Variants in CSMD1 observed in about 807,000 individuals in gnomAD.
The protein encoded by CSMD1 is CUB and sushi domain-containing protein 1.
Under a neutral mutation model 417.5 loss-of-function variants are expected in CSMD1, and 213 were observed. The observed-to-expected ratio is 0.51, with a 90% confidence interval of 0.46 to 0.57. CSMD1 has a LOEUF of 0.57. CSMD1 is among the 20% of genes least tolerant of loss of function. The pLI, the probability that CSMD1 is intolerant of heterozygous loss-of-function variation, is 0.00. For synonymous variants in CSMD1, 2,862 were observed against 1,736.8 expected (o/e 1.65, Z -16.11); for missense variants, 6,923 against 4,529.7 (o/e 1.53, Z -15.17).
chr8:3,314,409 A>C (rs942353414), intron 23 of CSMD1, among the ~76,000 whole-genome samples: 1 of 152,174 alleles, frequency 6.6e-6, no homozygotes, highest in Admixed American at 6.5e-5. Flanking sequence ...AAACATACAG[A>C]AGGTATCCTT....
At chr8:3,401,069 G>GT (rs1385409725) in intron 15 of CSMD1, among the ~76,000 whole-genome samples, 1 of 151,478 alleles carries the variant, frequency 6.6e-6, no homozygotes, top group Non-Finnish European at 1.5e-5. Flanking sequence ...CAATTCTTTT[G>GT]TTTTTTAAAG....
At chr8:3,638,050 C>T (rs1264892046) in intron 7 of CSMD1, among the ~76,000 whole-genome samples, 1 of 151,986 alleles carries the variant, frequency 6.6e-6, no homozygotes, top group African/African-American at 2.4e-5. Flanking sequence ...CAGGTATGTC[C>T]TTATAGGAGC....
chr8:4,751,974 A>G (rs1175139807), intron 1 of CSMD1, among the ~76,000 whole-genome samples: 1 of 152,224 alleles, frequency 6.6e-6, no homozygotes, highest in Non-Finnish European at 1.5e-5. Context: ...ATATACATAT[A>G]CACGACTGTA....
At chr8:3,531,840 C>A (rs530682194) in intron 10 of CSMD1, among the ~76,000 whole-genome samples, 2 of 152,138 alleles carry the variant, frequency 1.3e-5, no homozygotes, top group Non-Finnish European at 1.5e-5. Flanking sequence ...CAGAGAGAAA[C>A]GGCTACGTGG....
At position 3,797,417 on chromosome 8, in the gene CSMD1, C is replaced by A. The variant is rs935493162; in HGVS notation, c.819-43375G>T. Among the ~76,000 whole-genome samples the A allele has an allele frequency of 8.6e-5, 13 of 151,988 alleles. No individual in the cohort carries two copies. The South Asian group carries it at 1.5e-3, about 17-fold the overall frequency. ...CATCAATATGGAAATTTCATTTTTC[C>A]TCTTACATTCAGTTTCCATCCCTTC... On this transcript the variant is annotated intron_variant, in intron 5 of 69. Coordinates refer to ENST00000635120, the MANE Select transcript of CSMD1 (RefSeq NM_033225.6).
Position 3,439,983 on chromosome 8 carries a change from T to C in CSMD1, c.1561+28729A>G, listed in dbSNP as rs1049291425. On this transcript the variant is annotated intron_variant, in intron 12 of 69. Transcript: ENST00000635120. ...AGGGCATCTTCTGTGGGTTTATTCC[T>C]GGGCTTTCTATTCCATTCCATTAAT... Among the ~76,000 whole-genome samples the C allele has an allele frequency of 2.6e-5, 4 of 152,190 alleles. No homozygotes were observed. The East Asian group carries it at 7.7e-4, about 29-fold the overall frequency.
chr8:3,324,252 C>T (rs73171165), intron 23 of CSMD1, among the ~76,000 whole-genome samples: 6,066 of 142,548 alleles, frequency 0.043, 351 homozygotes, highest in Non-Finnish European at 0.067. Context: ...TTTCCTTCAC[C>T]CCACCTTTCA....
At chr8:4,987,348 G>T (rs1811232153) in intron 1 of CSMD1, among the ~76,000 whole-genome samples, 1 of 152,110 alleles carries the variant, frequency 6.6e-6, no homozygotes, top group Non-Finnish European at 1.5e-5. Context: ...TAATGATAAC[G>T]GTGACAGGCG....
At chr8:4,133,440 T>A (rs1420384973) in intron 3 of CSMD1, among the ~76,000 whole-genome samples, 1 of 152,206 alleles carries the variant, frequency 6.6e-6, no homozygotes, top group Non-Finnish European at 1.5e-5. Context: ...AAATAAATGT[T>A]ATCATTTACC....
At chr8:4,910,233 G>C (rs921130201) in intron 1 of CSMD1, among the ~76,000 whole-genome samples, 10 of 152,142 alleles carry the variant, frequency 6.6e-5, no homozygotes, top group African/African-American at 2.2e-4. Context: ...CTTGGGAAAT[G>C]TGACTATTTA....
intron 5 of CSMD1, among the ~76,000 whole-genome samples, chr8:3,792,862 G>C (rs1799827449): frequency 6.6e-6 from 1 of 152,182 alleles, no homozygotes; most frequent in Admixed American, 6.5e-5. Flanking sequence ...GAAATTTTAA[G>C]TCACCCTACA....
At chr8:4,358,954 C>T (rs1232844146) in intron 3 of CSMD1, among the ~76,000 whole-genome samples, 1 of 112,188 alleles carries the variant, frequency 8.9e-6, no homozygotes, top group Non-Finnish European at 1.7e-5. Flanking sequence ...TACTACACTT[C>T]CAGAGTCTTG....
At chr8:4,438,286 T>A (rs1342915229) in intron 2 of CSMD1, among the ~76,000 whole-genome samples, 1 of 152,210 alleles carries the variant, frequency 6.6e-6, no homozygotes, top group African/African-American at 2.4e-5. Context: ...CCTGGGGCTT[T>A]CCTGAATGCT....
chr8:3,757,551 C>G (rs1797728036), intron 5 of CSMD1, among the ~76,000 whole-genome samples: 1 of 152,176 alleles, frequency 6.6e-6, no homozygotes, highest in Admixed American at 6.5e-5. Context: ...GACCCCTGCT[C>G]TAGCATATAT....
At chr8:3,877,560 A>G (rs1805908663) in intron 5 of CSMD1, among the ~76,000 whole-genome samples, 2 of 152,332 alleles carry the variant, frequency 1.3e-5, no homozygotes, top group Admixed American at 6.5e-5. Flanking sequence ...GGCCAGAGAA[A>G]AAAATGAGCT....
intron 2 of CSMD1, among the ~76,000 whole-genome samples, chr8:4,625,361 A>T (rs1802035740): frequency 6.6e-6 from 1 of 152,102 alleles, no homozygotes; most frequent in Non-Finnish European, 1.5e-5. Context: ...CAAAATGTAA[A>T]TGATCCTTTC....
At chr8:3,669,921 G>A (rs754031926) in intron 7 of CSMD1, among the ~76,000 whole-genome samples, 3 of 152,160 alleles carry the variant, frequency 2.0e-5, no homozygotes, top group Non-Finnish European at 4.4e-5. Flanking sequence ...AGGAAATGAA[G>A]ATGTTTGAGA....
chr8:3,357,199 C>A (rs1227866881), intron 21 of CSMD1, among the ~76,000 whole-genome samples: 1 of 152,294 alleles, frequency 6.6e-6, no homozygotes, highest in African/African-American at 2.4e-5. Context: ...CAGGAAACTG[C>A]AGGCAAAATG....
At chr8:3,622,281 T>C (rs1220378619) in intron 7 of CSMD1, among the ~76,000 whole-genome samples, 8 of 152,230 alleles carry the variant, frequency 5.3e-5, no homozygotes, top group Admixed American at 4.6e-4. Flanking sequence ...AAAATCATTA[T>C]TGCTGTGGCA....
Sources: allele counts gnomAD v4.1 joint callset (sites outside exome capture counted in the v4.1 genomes callset), GRCh38; gene constraint gnomAD v4.1.1; transcripts MANE v1.5; gene names NCBI Gene and HGNC (gene_info 2026-07-23, HGNC 2026-07-21).